Variants in MALRD1 observed in about 807,000 individuals in gnomAD.
MALRD1 encodes the protein MAM and LDL receptor class A domain containing 1.
In MALRD1, 247 loss-of-function variants were observed where a neutral mutation model predicts 242.1. That is an observed-to-expected ratio of 1.02 (90% CI 0.92 to 1.13). The LOEUF is 1.13. Among genes scored for constraint, MALRD1 ranks in the 50% most tolerant of loss-of-function variants. MALRD1 has a pLI of 0.00. For missense variants in MALRD1, 2,989 were observed against 2,533.1 expected (o/e 1.18, Z -3.86); for synonymous variants, 995 against 866.6 (o/e 1.15, Z -2.60).
At chr10:19,623,268 C>A (rs1297118197) in intron 36 of MALRD1, among the ~76,000 whole-genome samples, 2 of 151,824 alleles carry the variant, frequency 1.3e-5, no homozygotes, top group African/African-American at 4.8e-5. Context: ...AGAAAAAGTA[C>A]AAATATCCCT....
chr10:19,711,128 C>T (rs1429104973), intron 38 of MALRD1: 1 of 152,176 alleles, frequency 6.6e-6, no homozygotes, highest in African/African-American at 2.4e-5. Context: ...GCTTTCTTAT[C>T]TTCCTGATAG....
chr10:19,695,889 C>T (rs2131833945), intron 38 of MALRD1, among the ~76,000 whole-genome samples: 1 of 152,156 alleles, frequency 6.6e-6, no homozygotes, highest in African/African-American at 2.4e-5. Context: ...CTTTATAAAA[C>T]CATTGGATCT....
chr10:19,136,010 G>A (rs1833321530), intron 9 of MALRD1, among the ~76,000 whole-genome samples: 3 of 152,116 alleles, frequency 2.0e-5, no homozygotes, highest in Admixed American at 2.0e-4. Flanking sequence ...ACTCTTTTAT[G>A]TAAGTTGAAT....
intron 30 of MALRD1, among the ~76,000 whole-genome samples, chr10:19,493,571 A>G (rs1038281720): frequency 6.6e-6 from 1 of 151,212 alleles, no homozygotes; most frequent in Non-Finnish European, 1.5e-5. Flanking sequence ...GCACTTTGGG[A>G]GGCCGATGCG....
rs1554802443 is a variant in MALRD1 at position 19,568,366 on chromosome 10, G to GTTGTTT, written c.5680+666_5680+671dup. ...TTTTGTTGTTGTTGTTGTTGTTGTT[G>GTTGTTT]TTGTTTTTTCCTAACACTCCTACTC... On this transcript the variant is annotated intron_variant, in intron 33 of 39. Coordinates refer to ENST00000454679, the MANE Select transcript of MALRD1 (RefSeq NM_001142308.3). 3.9e-3 allele frequency among the ~76,000 whole-genome samples: 598 copies of GTTGTTT among 151,886 alleles called. 3 individuals are homozygous for GTTGTTT. The highest frequency in any genetic ancestry group is 0.013 in the African/African-American group (553 of 41,318).
chr10:19,519,027 TA>T (rs1467560236), intron 31 of MALRD1, among the ~76,000 whole-genome samples: 7 of 152,312 alleles, frequency 4.6e-5, no homozygotes, highest in East Asian at 1.9e-4. Context: ...CGGGTTATTT[TA>T]AAAGCTTTCT....
chr10:19,260,087 C>T (rs1173911915), intron 19 of MALRD1, among the ~76,000 whole-genome samples: 1 of 152,102 alleles, frequency 6.6e-6, no homozygotes, highest in Non-Finnish European at 1.5e-5. Flanking sequence ...GTTTTATATA[C>T]TCTCGTTATA....
At chr10:19,106,981 G>A (rs991502990) in intron 5 of MALRD1, among the ~76,000 whole-genome samples, 2 of 151,786 alleles carry the variant, frequency 1.3e-5, no homozygotes, top group Non-Finnish European at 2.9e-5. Context: ...TTCCGTTTTG[G>A]CTGGAAAAGA....
chr10:19,116,651 C>G (rs1836879785), intron 5 of MALRD1, among the ~76,000 whole-genome samples: 1 of 152,170 alleles, frequency 6.6e-6, no homozygotes, highest in African/African-American at 2.4e-5. Context: ...TGAAGGATGG[C>G]AGGCCCTAGA....
intron 18 of MALRD1, among the ~76,000 whole-genome samples, chr10:19,229,133 G>T (rs757718363): frequency 2.6e-4 from 40 of 152,090 alleles, no homozygotes; most frequent in Non-Finnish European, 5.3e-4. Context: ...AATTTGAAAA[G>T]AATTTGCATT....
intron 14 of MALRD1, among the ~76,000 whole-genome samples, chr10:19,190,209 A>G (rs564067074): frequency 1.1e-4 from 16 of 152,212 alleles, no homozygotes; most frequent in African/African-American, 3.1e-4. Context: ...TCTTGCAATA[A>G]CAGAAAAAAG....
At chr10:19,364,965 G>A (rs1448804578) in intron 26 of MALRD1, among the ~76,000 whole-genome samples, 2 of 152,060 alleles carry the variant, frequency 1.3e-5, no homozygotes, top group Non-Finnish European at 2.9e-5. Context: ...TATTTCAACT[G>A]ATATTTGGTC....
chr10:19,432,389 A>AT (rs1392582391), intron 28 of MALRD1, among the ~76,000 whole-genome samples: 5 of 152,290 alleles, frequency 3.3e-5, no homozygotes, highest in Admixed American at 6.5e-5. Context: ...AATTAAGATT[A>AT]TTTTTTACCT....
intron 18 of MALRD1, among the ~76,000 whole-genome samples, chr10:19,256,177 G>A (rs1839503284): frequency 6.6e-6 from 1 of 151,926 alleles, no homozygotes; most frequent in African/African-American, 2.4e-5. Flanking sequence ...ATTTACCCTA[G>A]TTTCTTCTAA....
chr10:19,718,491 A>G (rs1834524751), intron 38 of MALRD1, among the ~76,000 whole-genome samples: 1 of 152,312 alleles, frequency 6.6e-6, no homozygotes, highest in South Asian at 2.1e-4. Flanking sequence ...ACTCAACGCA[A>G]GAACTCACTC....
chr10:19,306,137 G>C (rs1376950375), intron 21 of MALRD1, among the ~76,000 whole-genome samples: 2 of 110,184 alleles, frequency 1.8e-5, no homozygotes, highest in African/African-American at 3.9e-5. Flanking sequence ...ATATAGTATA[G>C]TATATATATA....
chr10:19,661,650 G>A (rs1031337922), intron 36 of MALRD1, among the ~76,000 whole-genome samples: 6 of 152,084 alleles, frequency 3.9e-5, no homozygotes, highest in African/African-American at 1.4e-4. Flanking sequence ...TAGGGGCGGG[G>A]GGAAGGATAG....
At chr10:19,702,242 A>T (rs568162911) in intron 38 of MALRD1, among the ~76,000 whole-genome samples, 1 of 152,306 alleles carries the variant, frequency 6.6e-6, no homozygotes, top group East Asian at 1.9e-4. Flanking sequence ...AATGTTCAAA[A>T]ACCACTACAG....
At chr10:19,719,211 TACACATACATAC>T (rs1477508560) in intron 38 of MALRD1, among the ~76,000 whole-genome samples, 4 of 21,474 alleles carry the variant, frequency 1.9e-4, no homozygotes, top group African/African-American at 4.3e-4. Flanking sequence ...TATATATATA[TACACATACATAC>T]ATATATATAT....
Sources: allele counts gnomAD v4.1 joint callset (sites outside exome capture counted in the v4.1 genomes callset), GRCh38; gene constraint gnomAD v4.1.1; transcripts MANE v1.5; gene names NCBI Gene and HGNC (gene_info 2026-07-23, HGNC 2026-07-21).